MAP2K5: variants seen among roughly 807,000 people sequenced by gnomAD.
MAP2K5 encodes mitogen-activated protein kinase kinase 5, also known as dual specificity mitogen-activated protein kinase kinase 5.
MAP2K5 carries 49 observed loss-of-function variants against 83.1 expected under a neutral mutation model. That is an observed-to-expected ratio of 0.59 (90% confidence interval 0.47 to 0.75). MAP2K5 has a LOEUF of 0.75. Ranked by LOEUF, MAP2K5 falls within the 30% of genes least tolerant of loss-of-function variation. MAP2K5 has a pLI of 0.00. For synonymous variants in MAP2K5, 202 were observed against 191.8 expected (o/e 1.05, Z -0.44); for missense variants, 457 against 557.5 (o/e 0.82, Z 1.82).
chr15:67,634,701 T>C (rs1241527306), intron 9 of MAP2K5, among the ~76,000 whole-genome samples: 1 of 152,216 alleles, frequency 6.6e-6, no homozygotes, highest in African/African-American at 2.4e-5. Context: ...TCATATTCTT[T>C]GCTCTGAAAT....
At chr15:67,564,666 A>G (rs1005158193) in intron 3 of MAP2K5, among the ~76,000 whole-genome samples, 2 of 152,230 alleles carry the variant, frequency 1.3e-5, no homozygotes, top group African/African-American at 4.8e-5. Flanking sequence ...AGCTGGGCTC[A>G]TCAGTACCTT....
Position 67,780,088 on chromosome 15 carries a change from T to A in MAP2K5, c.1242+7336T>A, listed in dbSNP as rs768642673. On this transcript the variant is annotated intron_variant, in intron 21 of 21. Coordinates refer to ENST00000178640, the MANE Select transcript of MAP2K5 (RefSeq NM_145160.3). This position sits in a 1 kb window ranked among gnomAD's most constrained non-coding sequence, Gnocchi z 5.0. ...CTTCTCTGAAGCCCTTCAGCATGTA[T>A]TGTGTCTAGGTTGGAACAGCATTTA... 5.9e-5 allele frequency among the ~76,000 whole-genome samples: 9 copies of A among 152,156 alleles called. No homozygotes were observed. Among genetic ancestry groups the A allele is most frequent in the Non-Finnish European group, 8.8e-5 (6 of 67,992 alleles).
chr15:67,586,950 T>C, intron 6 of MAP2K5, 37 bp downstream of exon 6: 1 of 1,608,510 alleles, frequency 6.2e-7, no homozygotes, highest in Non-Finnish European at 8.5e-7. Context: ...CTTGATGTGA[T>C]TTATCTACAG....
At chr15:67,630,096 T>C (rs2086433300) in intron 8 of MAP2K5, among the ~76,000 whole-genome samples, 1 of 152,168 alleles carries the variant, frequency 6.6e-6, no homozygotes, top group African/African-American at 2.4e-5. Flanking sequence ...AAAAGTAGCA[T>C]GGTGGCATGT....
At chr15:67,667,826 T>C (rs894209714) in intron 13 of MAP2K5, among the ~76,000 whole-genome samples, 1 of 152,170 alleles carries the variant, frequency 6.6e-6, no homozygotes, top group African/African-American at 2.4e-5. Flanking sequence ...AAATAAGTAG[T>C]ATATTACAGA....
At chr15:67,751,283 C>A (rs142786548) in intron 19 of MAP2K5, among the ~76,000 whole-genome samples, 54 of 152,256 alleles carry the variant, frequency 3.5e-4, no homozygotes, top group African/African-American at 1.3e-3. Flanking sequence ...GAGAATTGAG[C>A]TCCAATCAGA....
chr15:67,752,047 T>TTTTG (rs777800677), intron 19 of MAP2K5, among the ~76,000 whole-genome samples: 47 of 152,070 alleles, frequency 3.1e-4, no homozygotes, highest in South Asian at 4.2e-4. Context: ...CTTCGGTGTT[T>TTTTG]TTTGTTTGTT....
chr15:67,622,144 C>CAAA lies in MAP2K5; in HGVS notation c.546-8726_546-8724dup, dbSNP rs11289969. 8.2e-4 allele frequency among the ~76,000 whole-genome samples: 74 copies of CAAA among 90,642 alleles called. No individual in the cohort carries two copies. In the Middle Eastern group the frequency reaches 0.017, roughly 20 times the overall value. The allele number at this position is 90,642 out of a possible 152,430, so 59.5% of individuals were successfully genotyped here. A position where few individuals can be genotyped will look rare whatever the true frequency, so the allele number is the denominator to read the frequency against. ...TGGGCAACAGAGTGAGGCTCCATCT[C>CAAA]AAAAAAAAAAAAAAAAAAAAGAAGA... On this transcript the variant is annotated intron_variant, in intron 8 of 21. Transcript: ENST00000178640.
chr15:67,583,553 A>G (rs2085229116), intron 4 of MAP2K5, among the ~76,000 whole-genome samples: 1 of 152,136 alleles, frequency 6.6e-6, no homozygotes, highest in South Asian at 2.1e-4. Flanking sequence ...CATCGAATGT[A>G]CATTTTATCA....
intron 1 of MAP2K5, among the ~76,000 whole-genome samples, chr15:67,546,828 G>A (rs946176574): frequency 2.0e-5 from 3 of 152,112 alleles, no homozygotes; most frequent in Admixed American, 6.5e-5. Context: ...ACTTTGGGAG[G>A]CCGAGGTGGG....
In MAP2K5 at chr15:67,779,391, A is replaced by G. The variant is rs1482276086; in HGVS notation, c.1242+6639A>G. On this transcript the variant is annotated intron_variant, in intron 21 of 21. Transcript: ENST00000178640. The surrounding 1 kb of genome is among the most constrained non-coding windows in gnomAD (Gnocchi z 4.6). ...ACAGCTTTAATTTGAATTTTTGATG[A>G]CACATTAGCACTTCAGCAAGAACAG... is the stretch of plus-strand genomic sequence containing the variant. Among the ~76,000 whole-genome samples the G allele has an allele frequency of 2.0e-5, 3 of 152,246 alleles. No individual in the cohort carries two copies. Among genetic ancestry groups the G allele is most frequent in the African/African-American group, 7.2e-5 (3 of 41,468 alleles).
At chr15:67,680,531 GTTTAAGTTTTAAAGACACT>G (rs1163083786) in intron 13 of MAP2K5, among the ~76,000 whole-genome samples, 5 of 152,172 alleles carry the variant, frequency 3.3e-5, no homozygotes, top group South Asian at 2.1e-4. Flanking sequence ...ATAGCTTTAT[GTTTAAGTTTTAAAGACACT>G]TTGAGGCTGA....
Position 67,722,068 on chromosome 15 carries a change from A to G in MAP2K5, c.1045-5848A>G, listed in dbSNP as rs1298108656. 6.6e-6 allele frequency among the ~76,000 whole-genome samples: 1 copy of G among 152,152 alleles called. No individual in the cohort carries two copies. Among genetic ancestry groups the G allele is most frequent in the African/African-American group, 2.4e-5 (1 of 41,442 alleles). ...GTACTGATAATGTGGAGGGTCCCAAAGGTTATTAGGGCATGTTTCTGTTAG... is the reference window on the plus strand; with the variant it reads ...GTACTGATAATGTGGAGGGTCCCAAGGGTTATTAGGGCATGTTTCTGTTAG... On this transcript the variant is annotated intron_variant, in intron 16 of 21. Coordinates refer to ENST00000178640, the MANE Select transcript of MAP2K5 (RefSeq NM_145160.3). The surrounding 1 kb of genome is among the most constrained non-coding windows in gnomAD (Gnocchi z 4.2).
intron 2 of MAP2K5, among the ~76,000 whole-genome samples, chr15:67,553,942 AGAAAT>A (rs2084569646): frequency 1.3e-5 from 2 of 149,882 alleles, no homozygotes; most frequent in Non-Finnish European, 3.0e-5. Flanking sequence ...AAAAAAAAAA[AGAAAT>A]AGTTGAGAAG....
At chr15:67,744,548 A>G (rs76970675) in intron 17 of MAP2K5, among the ~76,000 whole-genome samples, 1,678 of 152,384 alleles carry the variant, frequency 0.011, 43 homozygotes, top group African/African-American at 0.039. Flanking sequence ...AATGAAAGCT[A>G]TAGCTGGTGT....
At chr15:67,646,186 A>C (rs748853318) in intron 9 of MAP2K5, 45 bp from the exon 10 acceptor site, 1 of 791,614 alleles carries the variant, frequency 1.3e-6, no homozygotes, top group Admixed American at 2.9e-5. Flanking sequence ...ATTATAACTA[A>C]TATAATTAGA....
rs1293842002 is a variant in MAP2K5 at position 67,646,468 on chromosome 15, T to C, written c.735T>C (p.Asp245=). ...TTTCAATATGTACAGAATTCATGGA[T>C]GGTGAGTTTTCCCTTTTATAATACT... is the stretch of plus-strand genomic sequence containing the variant. The part of the protein sequence containing the change: ...NRISICTEFM[D]GGSLDVYRKM... The change falls in exon 11 of 22, where the codon GAT becomes GAC. Residue 245 remains aspartate (D), a splice_region_variant and synonymous_variant. Transcript: ENST00000178640. 1 of 1,563,726 alleles carries C rather than the reference T, an allele frequency of 6.4e-7. No homozygotes were observed. Among genetic ancestry groups the C allele is most frequent in the Admixed American group, 1.7e-5 (1 of 57,248 alleles).
intron 19 of MAP2K5, among the ~76,000 whole-genome samples, chr15:67,751,987 C>T (rs940984832): frequency 2.6e-5 from 4 of 152,166 alleles, no homozygotes; most frequent in African/African-American, 9.7e-5. Context: ...TATGGGCACT[C>T]CTCATTCTTG....
In MAP2K5 at chr15:67,736,321, C is replaced by A. The variant is rs1196034699; in HGVS notation, c.1074+8376C>A. ...TTGGCACATGCCCCTGAGGGGTTCC[C>A]TGCCACCCTTTATGAATTTGGCTTG... On this transcript the variant is annotated intron_variant, in intron 17 of 21. Transcript: ENST00000178640. The surrounding 1 kb of genome is among the most constrained non-coding windows in gnomAD (Gnocchi z 4.3). Among the ~76,000 whole-genome samples, 1 of 152,232 alleles carries A rather than the reference C, an allele frequency of 6.6e-6. No homozygotes were observed. Among genetic ancestry groups the A allele is most frequent in the Non-Finnish European group, 1.5e-5 (1 of 68,046 alleles).
Sources: gnomAD v4.1 joint callset for allele counts (sites outside exome capture counted in the v4.1 genomes callset) on GRCh38, gnomAD v4.1.1 for gene constraint, Gnocchi (gnomAD v3.1) non-coding constraint, MANE v1.5 for transcripts, NCBI Gene and HGNC (gene_info 2026-07-23, HGNC 2026-07-21) for gene names.